AGBL1: variants seen among roughly 807,000 people sequenced by gnomAD.
The protein encoded by AGBL1 is AGBL carboxypeptidase 1.
A neutral mutation model predicts 118.9 loss-of-function variants in AGBL1; 130 were observed. The observed-to-expected ratio is 1.09, with a 90% CI of 0.95 to 1.26. AGBL1 has a LOEUF of 1.26. AGBL1 is among the 50% of genes most tolerant of loss of function. The pLI is 0.00. For missense variants in AGBL1, 1,584 were observed against 1,298.1 expected (o/e 1.22, Z -3.38); for synonymous variants, 555 against 478.9 (o/e 1.16, Z -2.08).
chr15:86,553,010 G>A (rs2083684737), intron 20 of AGBL1, among the ~76,000 whole-genome samples: 2 of 152,002 alleles, frequency 1.3e-5, no homozygotes, highest in South Asian at 4.2e-4. Context: ...ACCAGAGAGA[G>A]TAAGAGATTT....
chr15:86,301,087 T>G (rs1350458808), intron 17 of AGBL1, among the ~76,000 whole-genome samples: 1 of 152,162 alleles, frequency 6.6e-6, no homozygotes, highest in Non-Finnish European at 1.5e-5. Context: ...AGAACAGAGC[T>G]TTCCGTTGGG....
intron 22 of AGBL1, among the ~76,000 whole-genome samples, chr15:86,780,422 G>A (rs916639239): frequency 6.6e-6 from 1 of 151,890 alleles, no homozygotes; most frequent in Non-Finnish European, 1.5e-5. Flanking sequence ...CATGTTTATT[G>A]TTCTTTGATA....
chr15:87,008,922 G>T (rs567341173), intron 24 of AGBL1, among the ~76,000 whole-genome samples: 2 of 152,306 alleles, frequency 1.3e-5, no homozygotes, highest in East Asian at 3.9e-4. Context: ...GAGATTACTT[G>T]GGTGCTGTTA....
At chr15:86,982,993 C>G (rs1293433941) in intron 23 of AGBL1, among the ~76,000 whole-genome samples, 1 of 152,048 alleles carries the variant, frequency 6.6e-6, no homozygotes, top group Admixed American at 6.5e-5. Flanking sequence ...CTGGAATTTG[C>G]TTTTCAGGGT....
At chr15:87,020,405 G>A (rs556558498) in intron 24 of AGBL1, among the ~76,000 whole-genome samples, 159 of 152,206 alleles carry the variant, frequency 1.0e-3, no homozygotes, top group Non-Finnish European at 1.5e-3. Context: ...ACACTGAATA[G>A]GCAAAAGCTG....
intron 21 of AGBL1, among the ~76,000 whole-genome samples, chr15:86,668,896 T>C (rs1348106386): frequency 6.6e-6 from 1 of 152,156 alleles, no homozygotes. Context: ...AAAGTCTTCA[T>C]TCATAATTTC....
chr15:86,597,489 C>G (rs947848191), intron 21 of AGBL1, among the ~76,000 whole-genome samples: 1 of 152,104 alleles, frequency 6.6e-6, no homozygotes, highest in African/African-American at 2.4e-5. Context: ...TTCATCACCC[C>G]TAACCCCAGT....
At chr15:86,895,901 AT>A (rs1164637216) in intron 22 of AGBL1, among the ~76,000 whole-genome samples, 5 of 151,400 alleles carry the variant, frequency 3.3e-5, no homozygotes, top group African/African-American at 7.3e-5. Flanking sequence ...TATATTTCCT[AT>A]TTTTTTCTGG....
intron 1 of AGBL1, among the ~76,000 whole-genome samples, chr15:86,141,099 C>G (rs2076957164): frequency 6.6e-6 from 1 of 152,206 alleles, no homozygotes; most frequent in African/African-American, 2.4e-5. Flanking sequence ...GGAGACTGGA[C>G]TGAGTGGTAC....
chr15:86,981,316 C>T (rs1399208525), intron 23 of AGBL1, among the ~76,000 whole-genome samples: 1 of 152,124 alleles, frequency 6.6e-6, no homozygotes, highest in Non-Finnish European at 1.5e-5. Flanking sequence ...TATCAATTTT[C>T]ATTCTCATTA....
intron 22 of AGBL1, among the ~76,000 whole-genome samples, chr15:86,840,018 A>G (rs1432859427): frequency 6.6e-6 from 1 of 152,126 alleles, no homozygotes; most frequent in Non-Finnish European, 1.5e-5. Context: ...TCAGTAAATA[A>G]TTTTCCTCAG....
At chr15:86,344,963 A>G (rs140563413) in intron 17 of AGBL1, among the ~76,000 whole-genome samples, 20 of 152,286 alleles carry the variant, frequency 1.3e-4, no homozygotes, top group African/African-American at 4.8e-4. Flanking sequence ...CAGTGAACAG[A>G]GGAACATAAT....
At chr15:86,196,583 C>A (rs1389071185) in intron 5 of AGBL1, among the ~76,000 whole-genome samples, 1 of 152,044 alleles carries the variant, frequency 6.6e-6, no homozygotes, top group Non-Finnish European at 1.5e-5. Flanking sequence ...GTAATACCTG[C>A]ACAAAATTGG....
At chr15:86,805,639 G>T (rs2078705306) in intron 22 of AGBL1, among the ~76,000 whole-genome samples, 1 of 152,176 alleles carries the variant, frequency 6.6e-6, no homozygotes, top group South Asian at 2.1e-4. Context: ...GCCCCTTGGG[G>T]TTGGTGGGAC....
intron 21 of AGBL1, among the ~76,000 whole-genome samples, chr15:86,595,566 A>G (rs1420719175): frequency 1.3e-5 from 2 of 152,076 alleles, no homozygotes; most frequent in African/African-American, 2.4e-5. Context: ...ATCAACTATT[A>G]TCTCCTCTCA....
In AGBL1 at chr15:86,827,407, ATGTG is replaced by A. The variant is rs1355769671; in HGVS notation, c.3159-79678_3159-79675del. On this transcript the variant is annotated intron_variant, in intron 22 of 22. Transcript: ENST00000614907. ...TACACATATATATATACATATATAT[ATGTG>A]TATATATATATATATATACACATAT... is the stretch of plus-strand genomic sequence containing the variant. Among the ~76,000 whole-genome samples, 582 of 8,254 alleles carry A rather than the reference ATGTG, an allele frequency of 0.071. 110 individuals are homozygous for A. In the East Asian group the frequency reaches 0.72, roughly 10 times the overall value. 5.4% of individuals were successfully genotyped at this position (8,254 alleles called of 152,430 possible).
intron 7 of AGBL1, among the ~76,000 whole-genome samples, chr15:86,255,931 A>G (rs2078888277): frequency 6.6e-6 from 1 of 152,186 alleles, no homozygotes; most frequent in Admixed American, 6.5e-5. Context: ...CAGCAGCACC[A>G]CGGACATTCA....
downstream of AGBL1, among the ~76,000 whole-genome samples, chr15:86,917,945 C>T (rs528828406): frequency 1.2e-4 from 19 of 152,220 alleles, no homozygotes; most frequent in African/African-American, 3.1e-4. The surrounding 1 kb of genome is among the most constrained non-coding windows in gnomAD (Gnocchi z 4.8). Flanking sequence ...CCTAGTCCCT[C>T]AAATCTCTAG....
At chr15:86,167,249 CT>C (rs112194941) in intron 5 of AGBL1, among the ~76,000 whole-genome samples, 27,159 of 141,992 alleles carry the variant, frequency 0.19, 2,601 homozygotes, top group East Asian at 0.34. Context: ...TTTTACTTTT[CT>C]TTTTTTTTTT....
Sources: allele counts gnomAD v4.1 joint callset (sites outside exome capture counted in the v4.1 genomes callset), GRCh38; gene constraint gnomAD v4.1.1; non-coding constraint Gnocchi (gnomAD v3.1); transcripts MANE v1.5; gene names NCBI Gene and HGNC (gene_info 2026-07-23, HGNC 2026-07-21).